NR5A2: variants seen among roughly 807,000 people sequenced by gnomAD.
NR5A2 encodes CYP7A promoter-binding factor.
A neutral mutation model predicts 62.7 loss-of-function variants in NR5A2; 26 were observed. The observed-to-expected ratio is 0.41, with a 90% confidence interval of 0.30 to 0.58. The LOEUF (loss-of-function observed/expected upper bound fraction) is 0.58, where lower values mean the gene tolerates loss of function less well. Ranked by LOEUF, NR5A2 falls within the 20% of genes least tolerant of loss-of-function variation. The pLI is 0.22. For missense variants in NR5A2, 541 were observed against 669.1 expected (o/e 0.81, Z 2.11); for synonymous variants, 246 against 241.7 (o/e 1.02, Z -0.16).
chr1:200,129,042 T>TCTGGCATTCAATATCAGAAC (rs1425191492), intron 7 of NR5A2, among the ~76,000 whole-genome samples: 1 of 152,208 alleles, frequency 6.6e-6, no homozygotes, highest in African/African-American at 2.4e-5. Flanking sequence ...CCATTTGTCC[T>TCTGGCATTCAATATCAGAAC]CTGGCATTCA....
At chr1:200,068,094 C>A (rs1420060727) in intron 5 of NR5A2, among the ~76,000 whole-genome samples, 2 of 152,204 alleles carry the variant, frequency 1.3e-5, no homozygotes, top group East Asian at 3.9e-4. Context: ...GGTAAAGTTG[C>A]TAGTTATTTT....
At position 200,028,987 on chromosome 1, in the gene NR5A2, A is replaced by G. The variant is rs780727603; in HGVS notation, c.64+1076A>G. ...GTTCTATACTTACGAAAAAGAAAAC[A>G]TGGGGAAGGTAAGCAGGGTGTAACA... is the stretch of plus-strand genomic sequence containing the variant. On this transcript the variant is annotated intron_variant, in intron 1 of 7. Coordinates refer to ENST00000367362, the MANE Select transcript of NR5A2 (RefSeq NM_205860.3). 2.0e-4 allele frequency: 81 copies of G among 413,798 alleles called. 1 individual carries two copies. Among genetic ancestry groups the G allele is most frequent in the African/African-American group, 1.5e-3 (68 of 46,616 alleles). 25.6% of individuals were successfully genotyped at this position (413,798 alleles called of 1,614,324 possible).
intron 5 of NR5A2, among the ~76,000 whole-genome samples, chr1:200,104,062 T>C (rs1665525558): frequency 6.6e-6 from 1 of 152,140 alleles, no homozygotes; most frequent in Non-Finnish European, 1.5e-5. Context: ...TCCTTTGTGC[T>C]GCATTGGAGA....
At chr1:200,149,702 C>T (rs544597651) in intron 7 of NR5A2, among the ~76,000 whole-genome samples, 1 of 152,276 alleles carries the variant, frequency 6.6e-6, no homozygotes, top group South Asian at 2.1e-4. Context: ...GTGTGTGCAT[C>T]ACAATGCCGG....
At chr1:200,081,722 A>G (rs1238585931) in intron 5 of NR5A2, among the ~76,000 whole-genome samples, 1 of 152,148 alleles carries the variant, frequency 6.6e-6, no homozygotes, top group Non-Finnish European at 1.5e-5. Flanking sequence ...GCATGAAGCC[A>G]ACATAAACTT....
chr1:200,163,212 AAAAAT>A (rs1653724751), intron 7 of NR5A2, among the ~76,000 whole-genome samples: 2 of 151,816 alleles, frequency 1.3e-5, no homozygotes, highest in African/African-American at 4.8e-5. Flanking sequence ...TACACAAAAT[AAAAAT>A]AAAGTTGGCC....
At chr1:200,061,731 C>G (rs552990038) in intron 5 of NR5A2, among the ~76,000 whole-genome samples, 3 of 152,250 alleles carry the variant, frequency 2.0e-5, no homozygotes, top group Non-Finnish European at 2.9e-5. Flanking sequence ...AACCTGAGAT[C>G]TTAAGGTCCT....
chr1:200,051,813 G>A (rs1247064655), intron 5 of NR5A2, among the ~76,000 whole-genome samples: 1 of 152,134 alleles, frequency 6.6e-6, no homozygotes, highest in Non-Finnish European at 1.5e-5. Flanking sequence ...TTTGAAGCCA[G>A]GATTGAGACA....
At chr1:200,046,776 G>A (rs773742408) in intron 4 of NR5A2, among the ~76,000 whole-genome samples, 2 of 152,200 alleles carry the variant, frequency 1.3e-5, no homozygotes, top group Non-Finnish European at 2.9e-5. Context: ...AGACTCAGAA[G>A]ATAAGTAAAT....
intron 5 of NR5A2, among the ~76,000 whole-genome samples, chr1:200,091,489 T>TC (rs1363372307): frequency 1.8e-4 from 27 of 149,926 alleles, no homozygotes; most frequent in African/African-American, 6.4e-4. Context: ...TCTTTCTTTT[T>TC]TTTTTTTTTT....
chr1:200,107,579 A>G (rs939379145), intron 5 of NR5A2, among the ~76,000 whole-genome samples: 4 of 152,360 alleles, frequency 2.6e-5, no homozygotes, highest in Admixed American at 2.6e-4. Context: ...AACAGAGGAT[A>G]TGCAGATTTT....
At chr1:200,098,349 A>T (rs958828916) in intron 5 of NR5A2, among the ~76,000 whole-genome samples, 2 of 151,530 alleles carry the variant, frequency 1.3e-5, no homozygotes, top group African/African-American at 4.9e-5. Flanking sequence ...TGTATTTTGT[A>T]AACTTCCAAA....
At chr1:200,133,582 TATACAC>T (rs1314440364) in intron 7 of NR5A2, among the ~76,000 whole-genome samples, 1 of 128,118 alleles carries the variant, frequency 7.8e-6, no homozygotes, top group African/African-American at 3.1e-5. Context: ...TACACATATA[TATACAC>T]ATATATATAT....
Position 200,174,351 on chromosome 1 carries a change from T to A in NR5A2, c.*141T>A. ...AAAACTTGCTTTAAAGATATTGAAT[T>A]TAAAAAGGCATAATAATCAAATACT... On this transcript the variant is annotated 3_prime_UTR_variant, in exon 8 of 8. Coordinates refer to ENST00000367362, the MANE Select transcript of NR5A2 (RefSeq NM_205860.3). 1.2e-6 allele frequency: 1 copy of A among 816,832 alleles called. No homozygotes were observed. The highest frequency in any genetic ancestry group is 1.7e-6 in the Non-Finnish European group (1 of 582,390). 50.6% of individuals were successfully genotyped at this position (816,832 alleles called of 1,614,324 possible). A position where few individuals can be genotyped will look rare whatever the true frequency, so the allele number is the denominator to read the frequency against.
intron 6 of NR5A2, among the ~76,000 whole-genome samples, chr1:200,114,155 C>T (rs1460899656): frequency 6.6e-6 from 1 of 151,682 alleles, no homozygotes; most frequent in Non-Finnish European, 1.5e-5. Context: ...TGCACTCCAG[C>T]CTTGGCAACA....
chr1:200,079,236 T>C (rs1006870943), intron 5 of NR5A2, among the ~76,000 whole-genome samples: 3 of 152,218 alleles, frequency 2.0e-5, no homozygotes, highest in African/African-American at 7.2e-5. Context: ...AATCCCATCT[T>C]TGATCTCTGG....
intron 7 of NR5A2, among the ~76,000 whole-genome samples, chr1:200,158,684 A>G (rs1432073286): frequency 6.6e-6 from 1 of 152,094 alleles, no homozygotes; most frequent in Non-Finnish European, 1.5e-5. Context: ...CAACCTCCAC[A>G]GAAAGGCATT....
At chr1:200,097,811 C>G (rs567906297) in intron 5 of NR5A2, among the ~76,000 whole-genome samples, 43 of 152,192 alleles carry the variant, frequency 2.8e-4, no homozygotes, top group African/African-American at 1.0e-3. Context: ...AGTATCATAG[C>G]CTGCATATTC....
chr1:200,111,379 T>C, intron 6 of NR5A2, 58 bp downstream of exon 6: 1 of 1,553,688 alleles, frequency 6.4e-7, no homozygotes, highest in Non-Finnish European at 8.6e-7. Context: ...ATGTTCAGAA[T>C]GGCCGGAATT....
Sources: allele counts gnomAD v4.1 joint callset (sites outside exome capture counted in the v4.1 genomes callset), GRCh38; gene constraint gnomAD v4.1.1; transcripts MANE v1.5; gene names NCBI Gene and HGNC (gene_info 2026-07-23, HGNC 2026-07-21).